The following PCDHGB1 variants were observed in gnomAD, a reference collection of about 807,000 sequenced individuals.
The protein encoded by PCDHGB1 is protocadherin gamma-B1.
A neutral mutation model predicts 56.6 loss-of-function variants in PCDHGB1; 34 were observed. That is an observed-to-expected ratio of 0.60 (90% confidence interval 0.46 to 0.80). The LOEUF is 0.80. Ranked by LOEUF, PCDHGB1 falls within the 30% of genes least tolerant of loss-of-function variation. The probability of loss-of-function intolerance (pLI) is 0.00; values close to 1 mark genes in which losing one functional copy is unlikely to be tolerated. For synonymous variants in PCDHGB1, 561 were observed against 505.9 expected (o/e 1.11, Z -1.46); for missense variants, 1,278 against 1,204.6 (o/e 1.06, Z -0.90).
chr5:141,395,547 TGTGTGTGTGTGTGTGTGTGTGTG>T, intron 1 of PCDHGB1: 1 of 173,894 alleles, frequency 5.8e-6, no homozygotes, highest in Non-Finnish European at 1.2e-5. Context: ...ATTGTTTGTG[TGTGTGTGTGTGTGTGTGTGTGTG>T]TGTGTGTGTG....
At position 141,387,650 on chromosome 5, in the gene PCDHGB1, G is replaced by C. The variant is rs116225244; in HGVS notation, c.2409+34981G>C. 2,320 of 639,876 alleles carry C rather than the reference G, an allele frequency of 3.6e-3. 38 individuals are homozygous for C. The highest frequency in any genetic ancestry group is 0.034 in the African/African-American group (1,854 of 54,556). 39.6% of individuals were successfully genotyped at this position (639,876 alleles called of 1,614,324 possible). A position where few individuals can be genotyped will look rare whatever the true frequency, so the allele number is the denominator to read the frequency against. Reference sequence around the variant, plus strand: ...CTGGGCGCCGCTGTTGGCCAAAGTGGAGAGCTTGGCGCTCCAGATCTCCTC... The same window carrying C: ...CTGGGCGCCGCTGTTGGCCAAAGTGCAGAGCTTGGCGCTCCAGATCTCCTC... On this transcript the variant is annotated intron_variant, in intron 1 of 3. Coordinates refer to ENST00000523390, the MANE Select transcript of PCDHGB1 (RefSeq NM_018922.3).
chr5:141,376,675 C>CTT, intron 1 of PCDHGB1: 16 of 345,018 alleles, frequency 4.6e-5, no homozygotes, highest in Non-Finnish European at 6.4e-5. Context: ...GTGAGGGTAT[C>CTT]GTTTTTTTTT....
chr5:141,372,634 C>G, intron 1 of PCDHGB1: 1 of 1,614,012 alleles, frequency 6.2e-7, no homozygotes, highest in Non-Finnish European at 8.5e-7. Context: ...AGCGAAAGGA[C>G]TTTGCCTTAT....
intron 1 of PCDHGB1, among the ~76,000 whole-genome samples, chr5:141,457,745 G>T (rs1039982528): frequency 6.6e-6 from 1 of 152,232 alleles, no homozygotes; most frequent in Non-Finnish European, 1.5e-5. Flanking sequence ...TTTTAAAGCT[G>T]AGCCCAGACA....
In PCDHGB1 at chr5:141,485,578, G is replaced by A; in HGVS notation, c.2410-9229G>A. ...ATGATCACGCCCCCCGTTTTCCGCG[G>A]CAGCAGCTGGACTTGGAAATTGGGG... is the stretch of plus-strand genomic sequence containing the variant. On this transcript the variant is annotated intron_variant, in intron 1 of 3. Transcript: ENST00000523390. This position sits in a 1 kb window ranked among gnomAD's most constrained non-coding sequence, Gnocchi z 5.7. 6.2e-7 allele frequency: 1 copy of A among 1,612,362 alleles called. No homozygotes were observed. Among genetic ancestry groups the A allele is most frequent in the Non-Finnish European group, 8.5e-7 (1 of 1,178,688 alleles).
chr5:141,477,010 C>G lies in PCDHGB1; in HGVS notation c.2410-17797C>G. On this transcript the variant is annotated intron_variant, in intron 1 of 3. Coordinates refer to ENST00000523390, the MANE Select transcript of PCDHGB1 (RefSeq NM_018922.3). This position sits in a 1 kb window ranked among gnomAD's most constrained non-coding sequence, Gnocchi z 4.9. ...GCGTGCGGCAACTATTCGCCTTAGA[C>G]CTTGTAACCGGGATGCTGACAATCA... 4 of 1,614,260 alleles carry G rather than the reference C, an allele frequency of 2.5e-6. No homozygotes were observed. Among genetic ancestry groups the G allele is most frequent in the Non-Finnish European group, 2.5e-6 (3 of 1,180,052 alleles).
intron 1 of PCDHGB1, chr5:141,468,632 C>G (rs1385644482): frequency 6.6e-6 from 1 of 151,628 alleles, no homozygotes; most frequent in Non-Finnish European, 1.5e-5. Context: ...TTTGGGAGGC[C>G]GAGGTGGGCG....
At chr5:141,376,382 C>T in intron 1 of PCDHGB1, 2 of 1,614,230 alleles carry the variant, frequency 1.2e-6, no homozygotes, top group Non-Finnish European at 1.7e-6. Flanking sequence ...GCGTAAGAGT[C>T]ATCTGATTTT....
At chr5:141,365,117 A>G (rs764671143) in intron 1 of PCDHGB1, 2 of 1,613,924 alleles carry the variant, frequency 1.2e-6, no homozygotes, top group Non-Finnish European at 1.7e-6. Flanking sequence ...TCGGCTGCTC[A>G]TGCTAACCGC....
rs751563833 is a variant in PCDHGB1 at position 141,421,382 on chromosome 5, A to T, written c.2409+68713A>T. 5.6e-6 allele frequency: 9 copies of T among 1,613,906 alleles called. No homozygotes were observed. The South Asian group carries it at 8.8e-5, about 16-fold the overall frequency. ...TCCTTCGTGGGCAATATCTCCAAGG[A>T]CCTGGGGCTGGAGCCCCGGGAGCTG... On this transcript the variant is annotated intron_variant, in intron 1 of 3. Transcript: ENST00000523390.
chr5:141,470,972 C>T (rs1186771156), intron 1 of PCDHGB1, among the ~76,000 whole-genome samples: 3 of 151,988 alleles, frequency 2.0e-5, no homozygotes, highest in Non-Finnish European at 4.4e-5. Flanking sequence ...CCACCTCAGC[C>T]TCCCAAAGTG....
Position 141,489,829 on chromosome 5 carries a change from G to T in PCDHGB1, c.2410-4978G>T, listed in dbSNP as rs1445416879. 6.2e-7 allele frequency: 1 copy of T among 1,614,076 alleles called. No individual in the cohort carries two copies. Among genetic ancestry groups the T allele is most frequent in the South Asian group, 1.1e-5 (1 of 91,070 alleles). ...GAAGCCATTCCCAGAGCTGGTGCTA[G>T]AGCAGCAGCTGGATCGTGAAGCCCA... On this transcript the variant is annotated intron_variant, in intron 1 of 3. Coordinates refer to ENST00000523390, the MANE Select transcript of PCDHGB1 (RefSeq NM_018922.3). The surrounding 1 kb of genome is among the most constrained non-coding windows in gnomAD (Gnocchi z 4.5).
chr5:141,393,115 GGT>G (rs1236382706), intron 1 of PCDHGB1: 1 of 1,613,438 alleles, frequency 6.2e-7, no homozygotes, highest in Non-Finnish European at 8.5e-7. Flanking sequence ...CAGAGCCCGC[GGT>G]GTCTGATAAA....
Position 141,399,737 on chromosome 5 carries a change from C to T in PCDHGB1, c.2409+47068C>T, listed in dbSNP as rs888467903. The T allele has an allele frequency of 2.5e-6, 4 of 1,613,296 alleles. No homozygotes were observed. In the South Asian group the frequency reaches 3.3e-5, roughly 13 times the overall value. On this transcript the variant is annotated intron_variant, in intron 1 of 3. Coordinates refer to ENST00000523390, the MANE Select transcript of PCDHGB1 (RefSeq NM_018922.3). Reference sequence around the variant, plus strand: ...CAGGCCCGCGACCAGGGCTCGCCTGCGCTCAGCGCAAACGTGAGCCTGCGC... The same window carrying T: ...CAGGCCCGCGACCAGGGCTCGCCTGTGCTCAGCGCAAACGTGAGCCTGCGC...
At chr5:141,383,916 T>C (rs1368497890) in intron 1 of PCDHGB1, 1 of 1,613,968 alleles carries the variant, frequency 6.2e-7, no homozygotes, top group Non-Finnish European at 8.5e-7. Flanking sequence ...CAGTTTTAGA[T>C]GTAAATGATA....
At chr5:141,418,265 G>A (rs2096242953) in intron 1 of PCDHGB1, 1 of 1,614,062 alleles carries the variant, frequency 6.2e-7, no homozygotes, top group East Asian at 2.2e-5. Context: ...ATTCCGGAAA[G>A]ATGAAATAAA....
At chr5:141,422,375 TCTC>T in intron 1 of PCDHGB1, 1 of 1,570,814 alleles carries the variant, frequency 6.4e-7, no homozygotes, top group Non-Finnish European at 8.6e-7. Context: ...AATGGTCAAG[TCTC>T]CTGTTTTATT....
intron 1 of PCDHGB1, chr5:141,383,561 C>A: frequency 5.0e-6 from 8 of 1,613,196 alleles, no homozygotes; most frequent in Non-Finnish European, 6.8e-6. Context: ...GGCGACCCGC[C>A]CCGATCCAGC....
At chr5:141,419,567 G>A in intron 1 of PCDHGB1, 1 of 1,611,758 alleles carries the variant, frequency 6.2e-7, no homozygotes, top group Non-Finnish European at 8.5e-7. Context: ...GCTGGGTCCC[G>A]ACGGCTCCGC....
Sources: gnomAD v4.1 joint callset for allele counts (sites outside exome capture counted in the v4.1 genomes callset) on GRCh38, gnomAD v4.1.1 for gene constraint, Gnocchi (gnomAD v3.1) non-coding constraint, MANE v1.5 for transcripts, NCBI Gene and HGNC (gene_info 2026-07-23, HGNC 2026-07-21) for gene names.